NUP210: variants seen among roughly 807,000 people sequenced by gnomAD.
NUP210 encodes the protein nucleoporin 210, also known as nuclear pore membrane glycoprotein 210.
Under a neutral mutation model 196.0 loss-of-function variants are expected in NUP210, and 151 were observed. The ratio of observed to expected loss-of-function variants is 0.77; its 90% confidence interval spans 0.67 to 0.88. The LOEUF (loss-of-function observed/expected upper bound fraction) is 0.88, where lower values mean the gene tolerates loss of function less well. NUP210 is among the 40% of genes least tolerant of loss of function. The pLI is 0.00. For synonymous variants in NUP210, 1,070 were observed against 1,052.7 expected (o/e 1.02, Z -0.32); for missense variants, 2,314 against 2,493.7 (o/e 0.93, Z 1.53).
intron 20 of NUP210, among the ~76,000 whole-genome samples, chr3:13,351,005 C>A (rs1036743527): frequency 1.6e-4 from 24 of 152,074 alleles, no homozygotes; most frequent in Non-Finnish European, 4.4e-5. Context: ...GCCAGAAATT[C>A]TTAAATTGAA....
intron 14 of NUP210, 87 bp from the exon 15 acceptor site, chr3:13,360,578 G>A (rs553198710): frequency 7.5e-5 from 74 of 985,616 alleles, no homozygotes; most frequent in Admixed American, 4.9e-4. Flanking sequence ...TCCTCACCCC[G>A]CTTGTGGGGG....
At chr3:13,392,009 A>C (rs181157492) in intron 3 of NUP210, among the ~76,000 whole-genome samples, 1 of 152,170 alleles carries the variant, frequency 6.6e-6, no homozygotes, top group African/African-American at 2.4e-5. Flanking sequence ...TCCCTCTGAG[A>C]GCCAGAAGCT....
rs570590263 is a variant in NUP210 at position 13,356,629 on chromosome 3, C to T, written c.2328+1593G>A. On this transcript the variant is annotated intron_variant, in intron 16 of 39. Transcript: ENST00000254508. ...CTGCACTCCAGCCTGGGCAACAGAG[C>T]GAGACTGTGTCTCAAAAAAAAGAAA... is the stretch of plus-strand genomic sequence containing the variant. Among the ~76,000 whole-genome samples the T allele has an allele frequency of 3.3e-5, 5 of 152,200 alleles. No individual in the cohort carries two copies. The South Asian group carries it at 1.0e-3, about 32-fold the overall frequency.
chr3:13,369,436 T>C (rs1411267688), intron 13 of NUP210, among the ~76,000 whole-genome samples: 2 of 152,214 alleles, frequency 1.3e-5, no homozygotes, highest in African/African-American at 4.8e-5. Flanking sequence ...GTCCAGTTTG[T>C]CTATTTTTAA....
intron 16 of NUP210, among the ~76,000 whole-genome samples, chr3:13,357,190 C>T (rs982330732): frequency 2.2e-4 from 33 of 152,214 alleles, no homozygotes; most frequent in African/African-American, 7.0e-4. Flanking sequence ...ACTCATCCTT[C>T]GCTCCTAGTT....
intron 33 of NUP210, among the ~76,000 whole-genome samples, chr3:13,324,717 C>G (rs147931013): frequency 6.6e-6 from 1 of 152,332 alleles, no homozygotes; most frequent in East Asian, 1.9e-4. Flanking sequence ...TCTCGAGCTC[C>G]TCCAGGTGCC....
At chr3:13,389,183 C>A (rs1394014570) in intron 4 of NUP210, among the ~76,000 whole-genome samples, 1 of 152,240 alleles carries the variant, frequency 6.6e-6, no homozygotes, top group Non-Finnish European at 1.5e-5. Context: ...GTGTCACACG[C>A]CAAATTACAA....
chr3:13,331,231 C>T (rs187015956), intron 29 of NUP210, among the ~76,000 whole-genome samples: 1 of 152,292 alleles, frequency 6.6e-6, no homozygotes, highest in East Asian at 1.9e-4. Flanking sequence ...TAGCAAACTA[C>T]TGATACTATG....
intron 1 of NUP210, among the ~76,000 whole-genome samples, chr3:13,402,512 C>T (rs557737620): frequency 2.0e-5 from 3 of 152,256 alleles, no homozygotes; most frequent in South Asian, 4.2e-4. Flanking sequence ...TAAAAGAAGC[C>T]TGAAATTCTC....
chr3:13,389,019 T>A (rs138372386), intron 4 of NUP210, among the ~76,000 whole-genome samples: 4 of 152,172 alleles, frequency 2.6e-5, no homozygotes, highest in Non-Finnish European at 5.9e-5. Flanking sequence ...TAGCCTGGAG[T>A]GTGGGCTGCT....
chr3:13,367,797 AGACT>A lies in NUP210; in HGVS notation c.1787-1710_1787-1707del, dbSNP rs530047968. Reference sequence around the variant, plus strand: ...TTCTGCTGCATGAATATAGAGCAATAGACTGACCCATGCTATGGTGCACATCTGG... The same window carrying A: ...TTCTGCTGCATGAATATAGAGCAATAGACCCATGCTATGGTGCACATCTGG... On this transcript the variant is annotated intron_variant, in intron 13 of 39. Coordinates refer to ENST00000254508, the MANE Select transcript of NUP210 (RefSeq NM_024923.4). Among the ~76,000 whole-genome samples, 11 of 152,310 alleles carry A rather than the reference AGACT, an allele frequency of 7.2e-5. No individual in the cohort carries two copies. In the South Asian group the frequency reaches 1.0e-3, roughly 14 times the overall value.
chr3:13,415,348 C>T (rs115662853), intron 1 of NUP210, among the ~76,000 whole-genome samples: 1 of 152,346 alleles, frequency 6.6e-6, no homozygotes, highest in African/African-American at 2.4e-5. Context: ...GACGGGTCTT[C>T]ACCGTGTGCC....
At chr3:13,391,935 C>T (rs1203121065) in intron 3 of NUP210, among the ~76,000 whole-genome samples, 2 of 152,016 alleles carry the variant, frequency 1.3e-5, no homozygotes, top group Non-Finnish European at 2.9e-5. Flanking sequence ...GAAACAGATG[C>T]CACATGCAAG....
intron 1 of NUP210, among the ~76,000 whole-genome samples, chr3:13,418,352 G>A (rs1427900102): frequency 6.6e-6 from 1 of 152,228 alleles, no homozygotes; most frequent in Non-Finnish European, 1.5e-5. Flanking sequence ...CAGCACTTTG[G>A]GAGGCAGAGG....
At chr3:13,330,703 G>A in intron 29 of NUP210, 69 bp from the exon 30 acceptor site, 1 of 1,440,740 alleles carries the variant, frequency 6.9e-7, no homozygotes, top group Non-Finnish European at 9.6e-7. Context: ...TACAATGCCA[G>A]GAGATCTAAG....
chr3:13,400,462 T>A (rs1472042543), intron 1 of NUP210, among the ~76,000 whole-genome samples: 1 of 152,164 alleles, frequency 6.6e-6, no homozygotes, highest in Non-Finnish European at 1.5e-5. Flanking sequence ...CAGACGTCTG[T>A]GAGCCAATTT....
At chr3:13,354,966 A>G (rs1326659654) in intron 16 of NUP210, among the ~76,000 whole-genome samples, 1 of 152,176 alleles carries the variant, frequency 6.6e-6, no homozygotes, top group East Asian at 1.9e-4. Flanking sequence ...CTGGCCACAT[A>G]GCATGGGGGC....
chr3:13,345,092 T>C (rs1697670711), intron 20 of NUP210: 1 of 985,306 alleles, frequency 1.0e-6, no homozygotes, highest in Admixed American at 6.1e-5. Flanking sequence ...CAGCCTAGCC[T>C]CCTACGAGCA....
At chr3:13,318,970 G>C in intron 39 of NUP210, 102 bp downstream of exon 39, 1 of 1,157,406 alleles carries the variant, frequency 8.6e-7, no homozygotes, top group Non-Finnish European at 1.2e-6. Flanking sequence ...GCCCAGGCAA[G>C]GGCCTGTTGA....
Sources: gnomAD v4.1 joint callset for allele counts (sites outside exome capture counted in the v4.1 genomes callset) on GRCh38, gnomAD v4.1.1 for gene constraint, MANE v1.5 for transcripts, NCBI Gene and HGNC (gene_info 2026-07-23, HGNC 2026-07-21) for gene names.